RUNX1: variants seen among roughly 807,000 people sequenced by gnomAD.
RUNX1 encodes runt-related transcription factor 1.
In RUNX1, 19 loss-of-function variants were observed where a neutral mutation model predicts 42.8. That is an observed-to-expected ratio of 0.44 (90% CI 0.31 to 0.65). RUNX1 has a LOEUF of 0.65. RUNX1 is among the 30% of genes least tolerant of loss of function. RUNX1 has a pLI of 0.07. For missense variants in RUNX1, 528 were observed against 672.0 expected (o/e 0.79, Z 2.37); for synonymous variants, 271 against 289.4 (o/e 0.94, Z 0.64).
chr21:34,857,477 T>G (rs764745295), intron 6 of RUNX1, among the ~76,000 whole-genome samples: 1 of 152,178 alleles, frequency 6.6e-6, no homozygotes, highest in African/African-American at 2.4e-5. Context: ...AACCCAGCCT[T>G]CTTTATGCAT....
intron 2 of RUNX1, among the ~76,000 whole-genome samples, chr21:34,897,874 G>T (rs537690235): frequency 6.6e-6 from 1 of 152,232 alleles, no homozygotes; most frequent in East Asian, 1.9e-4. Context: ...GAAAAAAAGA[G>T]ATTTTTTTTT....
rs369722905 is a variant in RUNX1 at position 34,862,328 on chromosome 21, C to T, written c.509-2750G>A. Reference sequence around the variant, plus strand: ...TGAGATGCCCATAGCCATGTGCAGGCGGGCAGGTCCACGTGTGATTCTTCT... The same window carrying T: ...TGAGATGCCCATAGCCATGTGCAGGTGGGCAGGTCCACGTGTGATTCTTCT... On this transcript the variant is annotated intron_variant, in intron 5 of 8. Transcript: ENST00000675419. Among the ~76,000 whole-genome samples the T allele has an allele frequency of 1.1e-4, 16 of 152,316 alleles. No homozygotes were observed. In the South Asian group the frequency reaches 2.9e-3, roughly 28 times the overall value.
chr21:34,937,601 A>T (rs1204712071), intron 2 of RUNX1, among the ~76,000 whole-genome samples: 1 of 151,784 alleles, frequency 6.6e-6, no homozygotes, highest in Non-Finnish European at 1.5e-5. Context: ...ATTGGAAAAA[A>T]TTTCTGAGAA....
intron 6 of RUNX1, among the ~76,000 whole-genome samples, chr21:34,839,341 C>T (rs1261826661): frequency 6.6e-6 from 1 of 150,466 alleles, no homozygotes; most frequent in Admixed American, 6.6e-5. Context: ...CCTAGAAATT[C>T]AACACTCACC....
At position 34,802,953 on chromosome 21, in the gene RUNX1, A is replaced by G. The variant is rs1251307900; in HGVS notation, c.806-3491T>C. Among the ~76,000 whole-genome samples the G allele has an allele frequency of 2.6e-5, 4 of 152,354 alleles. No homozygotes were observed. In the East Asian group the frequency reaches 7.7e-4, roughly 29 times the overall value. On this transcript the variant is annotated intron_variant, in intron 7 of 8. Transcript: ENST00000675419. ...GTATCACAATTTCTGGCCATAGTAA[A>G]TGCTCAATAAGTCTGAATAACCTTT...
intron 2 of RUNX1, among the ~76,000 whole-genome samples, chr21:34,982,893 G>A (rs898649971): frequency 2.6e-5 from 4 of 152,194 alleles, no homozygotes; most frequent in Admixed American, 6.5e-5. Context: ...AATAGGAAAT[G>A]AACTCAGAAG....
intron 2 of RUNX1, among the ~76,000 whole-genome samples, chr21:34,965,384 C>T (rs552338827): frequency 4.4e-4 from 67 of 152,222 alleles, no homozygotes; most frequent in Middle Eastern, 3.4e-3. Context: ...CTGATGATCT[C>T]GCAGCCTCGG....
intron 5 of RUNX1, among the ~76,000 whole-genome samples, chr21:34,868,619 G>A (rs909102960): frequency 1.3e-5 from 2 of 152,200 alleles, no homozygotes; most frequent in African/African-American, 2.4e-5. Flanking sequence ...GGTCTCAAGT[G>A]AATGACAAGT....
rs371173434 is a variant in RUNX1 at position 34,961,636 on chromosome 21, C to T, written c.59-68673G>A. ...GACTTTAAGGCAAGCAGTAGCAGCTCGTATATTTTACTAATAACGACACCT... is the reference window on the plus strand; with the variant it reads ...GACTTTAAGGCAAGCAGTAGCAGCTTGTATATTTTACTAATAACGACACCT... On this transcript the variant is annotated intron_variant, in intron 2 of 8. Coordinates refer to ENST00000675419, the MANE Select transcript of RUNX1 (RefSeq NM_001754.5). Among the ~76,000 whole-genome samples the T allele has an allele frequency of 5.3e-5, 8 of 152,152 alleles. No homozygotes were observed. In the East Asian group the frequency reaches 1.2e-3, roughly 22 times the overall value.
chr21:34,894,396 A>AT (rs2058111938), intron 2 of RUNX1, among the ~76,000 whole-genome samples: 1 of 152,168 alleles, frequency 6.6e-6, no homozygotes, highest in Non-Finnish European at 1.5e-5. Flanking sequence ...AAATGAGTGG[A>AT]TTTTGAAAAC....
chr21:34,882,654 T>G (rs1055794159), intron 4 of RUNX1, among the ~76,000 whole-genome samples: 3 of 152,074 alleles, frequency 2.0e-5, no homozygotes, highest in African/African-American at 7.2e-5. Flanking sequence ...ATCACGGAAA[T>G]AAATCTCCCT....
rs1460582377 is a variant in RUNX1 at position 34,988,242 on chromosome 21, T to C, written c.58+60600A>G. Among the ~76,000 whole-genome samples the C allele has an allele frequency of 3.9e-5, 6 of 152,110 alleles. No homozygotes were observed. The South Asian group carries it at 1.2e-3, about 32-fold the overall frequency. ...CCTGGTGCCCCTGGGGTCAGTACGG[T>C]CCTTCTTCCCTTGTATCTGCAAAGG... On this transcript the variant is annotated intron_variant, in intron 2 of 8. Transcript: ENST00000675419.
chr21:34,849,305 ATATATATTATATATATATTATAT>A lies in RUNX1; in HGVS notation c.613+10146_613+10168del, dbSNP rs1569051903. On this transcript the variant is annotated intron_variant, in intron 6 of 8. Coordinates refer to ENST00000675419, the MANE Select transcript of RUNX1 (RefSeq NM_001754.5). ...ATATATATTATATATAAAATATATAATATATATTATATATATATTATATATACTATATATATTATATATAGTAT... is the reference window on the plus strand; with the variant it reads ...ATATATATTATATATAAAATATATAAATACTATATATATTATATATAGTAT... 1.0e-3 allele frequency among the ~76,000 whole-genome samples: 50 copies of A among 47,882 alleles called. 5 individuals are homozygous for A. Among genetic ancestry groups the A allele is most frequent in the African/African-American group, 3.8e-3 (48 of 12,554 alleles). The allele number at this position is 47,882 out of a possible 152,430, so 31.4% of individuals were successfully genotyped here. A position where few individuals can be genotyped will look rare whatever the true frequency, so the allele number is the denominator to read the frequency against.
At chr21:35,032,897 C>T (rs972151993) in intron 2 of RUNX1, among the ~76,000 whole-genome samples, 13 of 152,238 alleles carry the variant, frequency 8.5e-5, no homozygotes, top group African/African-American at 3.1e-4. Context: ...CTTACATCCA[C>T]TGATGTTTTT....
At chr21:34,817,567 G>A (rs1478540999) in intron 7 of RUNX1, among the ~76,000 whole-genome samples, 1 of 152,184 alleles carries the variant, frequency 6.6e-6, no homozygotes, top group African/African-American at 2.4e-5. Context: ...GCTCAGGTAA[G>A]AGCCTACCTG....
At chr21:34,871,432 C>T (rs1407194486) in intron 5 of RUNX1, among the ~76,000 whole-genome samples, 1 of 152,124 alleles carries the variant, frequency 6.6e-6, no homozygotes, top group Non-Finnish European at 1.5e-5. Flanking sequence ...GCGTGAGGGT[C>T]CCCATGCAGC....
chr21:35,024,729 T>C (rs1440668522), intron 2 of RUNX1, among the ~76,000 whole-genome samples: 2 of 152,250 alleles, frequency 1.3e-5, no homozygotes, highest in Non-Finnish European at 2.9e-5. Context: ...ACCTAAGATG[T>C]TGTAGCTAAT....
At chr21:34,905,774 T>C (rs936370747) in intron 2 of RUNX1, among the ~76,000 whole-genome samples, 3 of 152,192 alleles carry the variant, frequency 2.0e-5, no homozygotes, top group Non-Finnish European at 4.4e-5. Context: ...GCTTGAAATA[T>C]CTGGATCTAA....
intron 2 of RUNX1, among the ~76,000 whole-genome samples, chr21:34,952,033 A>C (rs2058612382): frequency 1.3e-5 from 2 of 152,206 alleles, no homozygotes; most frequent in African/African-American, 4.8e-5. Flanking sequence ...CACACCATGG[A>C]ATACTATGCA....
Sources: gnomAD v4.1 joint callset for allele counts (sites outside exome capture counted in the v4.1 genomes callset) on GRCh38, gnomAD v4.1.1 for gene constraint, MANE v1.5 for transcripts, NCBI Gene and HGNC (gene_info 2026-07-23, HGNC 2026-07-21) for gene names.